POM121C: variants seen among roughly 807,000 people sequenced by gnomAD.
POM121C encodes the protein nuclear envelope pore membrane protein POM 121C.
Under a neutral mutation model 66.4 loss-of-function variants are expected in POM121C, and 20 were observed. The ratio of observed to expected loss-of-function variants is 0.30; its 90% CI spans 0.21 to 0.44. The LOEUF is 0.44. Among genes scored for constraint, POM121C ranks in the 20% least tolerant of loss-of-function variants. The pLI is 1.00. For missense variants in POM121C, 580 were observed against 1,225.7 expected, an observed-to-expected ratio of 0.47 and a Z score of 7.87; for synonymous variants, 286 against 528.0, an observed-to-expected ratio of 0.54 and a Z score of 6.28.
At position 75,468,128 on chromosome 7, in the gene POM121C, A is replaced by T. The variant is rs1318908118; in HGVS notation, c.-152+6576T>A. Among the ~76,000 whole-genome samples, 6 of 11,222 alleles carry T rather than the reference A, an allele frequency of 5.3e-4. No individual in the cohort carries two copies. In the South Asian group the frequency reaches 0.012, roughly 22 times the overall value. 7.4% of individuals were successfully genotyped at this position (11,222 alleles called of 152,430 possible). On this transcript the variant is annotated intron_variant, in intron 3 of 14. Transcript: ENST00000615331. ...ACCTGGGCAACAGAGACTCTGTCTA[A>T]AAAAAAAAAAAAAAAAAAAAAAAAG...
At chr7:75,485,804 C>G (rs782309426) in intron 1 of POM121C, 60 bp downstream of exon 1, 23 of 475,054 alleles carry the variant, frequency 4.8e-5, no homozygotes, top group Non-Finnish European at 8.3e-5. Context: ...CAAAGGTCCC[C>G]AACACAAGGT....
At chr7:75,448,502 G>A (rs1470580275) in intron 3 of POM121C, among the ~76,000 whole-genome samples, 261 of 78,946 alleles carry the variant, frequency 3.3e-3, no homozygotes, top group African/African-American at 4.3e-3. Context: ...AACAGAAACA[G>A]AAAAAAAAAA....
At chr7:75,470,815 A>G (rs35118242) in intron 3 of POM121C, among the ~76,000 whole-genome samples, 47 of 150,968 alleles carry the variant, frequency 3.1e-4, no homozygotes, top group Non-Finnish European at 6.2e-4. Context: ...AAATTTTTTT[A>G]TAGAAATGGG....
intron 1 of POM121C, 94 bp downstream of exon 1, chr7:75,485,770 G>A (rs587693641): frequency 2.4e-6 from 1 of 417,272 alleles, no homozygotes; most frequent in Admixed American, 2.7e-5. Flanking sequence ...GCAAGCAATC[G>A]GGACCCTCCC....
intron 1 of POM121C, among the ~76,000 whole-genome samples, chr7:75,485,020 T>C (rs1792463534): frequency 6.6e-6 from 1 of 151,826 alleles, no homozygotes; most frequent in Non-Finnish European, 1.5e-5. Flanking sequence ...GCGACTTTTG[T>C]ATTTTTTGTA....
At position 75,446,769 on chromosome 7, in the gene POM121C, G is replaced by T. The variant is rs587602343; in HGVS notation, c.-151-5122C>A. ...TCACGCCTGTAATCCCAGCACTTTGGGGGGCCGAGGTGGGTGGATCATGAG... is the reference window on the plus strand; with the variant it reads ...TCACGCCTGTAATCCCAGCACTTTGTGGGGCCGAGGTGGGTGGATCATGAG... On this transcript the variant is annotated intron_variant, in intron 3 of 14. Transcript: ENST00000615331. 2.7e-4 allele frequency among the ~76,000 whole-genome samples: 41 copies of T among 152,164 alleles called. No individual in the cohort carries two copies. The East Asian group carries it at 4.4e-3, about 17-fold the overall frequency.
intron 3 of POM121C, among the ~76,000 whole-genome samples, chr7:75,455,343 G>A (rs1791170963): frequency 6.6e-6 from 1 of 152,204 alleles, no homozygotes; most frequent in Non-Finnish European, 1.5e-5. Flanking sequence ...TCGCCAGGCT[G>A]GAGTACAGTG....
intron 7 of POM121C, among the ~76,000 whole-genome samples, chr7:75,430,813 A>G (rs1372406860): frequency 6.6e-6 from 1 of 152,312 alleles, no homozygotes; most frequent in Non-Finnish European, 1.5e-5. Context: ...GCGGTGGCTC[A>G]TGCCTGTAAT....
At chr7:75,429,091 A>G (rs1198496247) in intron 7 of POM121C, among the ~76,000 whole-genome samples, 1 of 152,220 alleles carries the variant, frequency 6.6e-6, no homozygotes, top group Admixed American at 6.5e-5. Flanking sequence ...CATTTCAGAT[A>G]TAACAAGACA....
chr7:75,478,094 G>C (rs1792160245), intron 1 of POM121C, among the ~76,000 whole-genome samples: 1 of 152,120 alleles, frequency 6.6e-6, no homozygotes, highest in Non-Finnish European at 1.5e-5. Flanking sequence ...AGCCTCCCGA[G>C]TAGCTGGGAT....
At chr7:75,428,341 T>A (rs184345993) in intron 7 of POM121C, among the ~76,000 whole-genome samples, 180 of 152,324 alleles carry the variant, frequency 1.2e-3, no homozygotes, top group African/African-American at 3.3e-3. Context: ...GGTTTCACCA[T>A]GTTGGCCAGG....
At chr7:75,440,880 T>C in intron 5 of POM121C, 74 bp downstream of exon 5, 3 of 1,611,950 alleles carry the variant, frequency 1.9e-6, no homozygotes, top group East Asian at 4.5e-5. Context: ...TCTGTATCTT[T>C]ACGGGAATGT....
rs1351492673 is a variant in POM121C at position 75,428,090 on chromosome 7, TC to T, written c.481-1638del. Among the ~76,000 whole-genome samples the T allele has an allele frequency of 3.3e-5, 5 of 151,642 alleles. No homozygotes were observed. In the East Asian group the frequency reaches 7.8e-4, roughly 24 times the overall value. On this transcript the variant is annotated intron_variant, in intron 7 of 14. Transcript: ENST00000615331. ...AAGCGGCATTTTCAATCACTTCAGA[TC>T]CCTGACACTACCTCGCTGGTTCTCA... is the stretch of plus-strand genomic sequence containing the variant.
At chr7:75,448,346 C>T (rs200735114) in intron 3 of POM121C, among the ~76,000 whole-genome samples, 15,677 of 138,000 alleles carry the variant, frequency 0.11, no homozygotes, top group Middle Eastern at 0.18. Context: ...TCTGGATCTA[C>T]ACAAAGGAAT....
In POM121C at chr7:75,419,429, G is replaced by T; in HGVS notation, c.2757C>A (p.Pro919=). 3 of 1,613,240 alleles carry T rather than the reference G, an allele frequency of 1.9e-6. No homozygotes were observed. The highest frequency in any genetic ancestry group is 2.5e-6 in the Non-Finnish European group (3 of 1,179,626). ...SKPVFGGTAT[P]TFGQNTPAPG... The stretch of plus-strand genomic sequence containing the variant: ...GCGCAGGGGTGTTCTGACCAAAGGT[G>T]GGGGTGGCGGTGCCTGGAATGAAGA... The change falls in exon 14 of 15, where the codon CCC becomes CCA. Residue 919 remains proline (P), a synonymous_variant. Coordinates refer to ENST00000615331, the MANE Select transcript of POM121C (RefSeq NM_001099415.3).
chr7:75,480,020 C>A (rs1456852660), intron 1 of POM121C, among the ~76,000 whole-genome samples: 2 of 149,686 alleles, frequency 1.3e-5, no homozygotes, highest in Non-Finnish European at 3.0e-5. Context: ...TAACCTAACT[C>A]GTTTTATCAA....
chr7:75,419,283 A>C, intron 14 of POM121C, 37 bp downstream of exon 14: 1 of 1,589,490 alleles, frequency 6.3e-7, no homozygotes, highest in Non-Finnish European at 8.6e-7. Context: ...CTCTCCTCAG[A>C]CAGACGAGCA....
intron 7 of POM121C, among the ~76,000 whole-genome samples, chr7:75,434,124 A>C (rs1259551939): frequency 6.6e-6 from 1 of 152,188 alleles, no homozygotes; most frequent in African/African-American, 2.4e-5. Flanking sequence ...TTTCTCTACT[A>C]TAGGAAAAAC....
chr7:75,421,124 C>T, intron 13 of POM121C: 1 of 340,360 alleles, frequency 2.9e-6, no homozygotes, highest in Non-Finnish European at 5.5e-6. Flanking sequence ...CAGGTGGGTA[C>T]CACCATGCCC....
Sources: allele counts gnomAD v4.1 joint callset (sites outside exome capture counted in the v4.1 genomes callset), GRCh38; gene constraint gnomAD v4.1.1; transcripts MANE v1.5; gene names NCBI Gene and HGNC (gene_info 2026-07-23, HGNC 2026-07-21).